MAP4: variants seen among roughly 807,000 people sequenced by gnomAD.
The protein encoded by MAP4 is microtubule-associated protein 4.
Under a neutral mutation model 170.2 loss-of-function variants are expected in MAP4, and 76 were observed. The observed-to-expected ratio is 0.45, with a 90% CI of 0.37 to 0.54. MAP4 has a LOEUF of 0.54. Ranked by LOEUF, MAP4 falls within the 20% of genes least tolerant of loss-of-function variation. The pLI is 0.00. For synonymous variants in MAP4, 909 were observed against 994.5 expected, an observed-to-expected ratio of 0.91 and a Z score of 1.62; for missense variants, 2,506 against 2,748.0, an observed-to-expected ratio of 0.91 and a Z score of 1.97.
At chr3:48,001,340 T>A (rs2154383517) in intron 1 of MAP4, among the ~76,000 whole-genome samples, 1 of 152,328 alleles carries the variant, frequency 6.6e-6, no homozygotes, top group Non-Finnish European at 1.5e-5. Context: ...TATTAAATAA[T>A]CAATTATATT....
chr3:47,883,896 C>CAT (rs2097175986), intron 10 of MAP4, among the ~76,000 whole-genome samples: 1 of 151,976 alleles, frequency 6.6e-6, no homozygotes, highest in African/African-American at 2.4e-5. Context: ...CCTAATGCAT[C>CAT]ATATCTCTTT....
At chr3:47,941,833 TCTC>T (rs2100056702) in intron 3 of MAP4, among the ~76,000 whole-genome samples, 1 of 151,400 alleles carries the variant, frequency 6.6e-6, no homozygotes, top group African/African-American at 2.4e-5. Context: ...TTCTTACTAA[TCTC>T]CTTCATTTTT....
Position 47,912,380 on chromosome 3 carries a change from G to A in MAP4, c.2041C>T (p.Gln681Ter). The change falls in exon 9 of 21, where the codon CAA becomes TAA. Residue 681 changes from glutamine (Q) to a stop codon, truncating the protein, a stop_gained. Coordinates refer to ENST00000683076, the MANE Select transcript of MAP4 (RefSeq NM_001385682.1). LOFTEE classifies it high-confidence loss of function. The stretch of plus-strand genomic sequence containing the variant: ...CTGCGGTCACTGGGTCTGCAAACTT[G>A]TTTGGCTTGTGTGGGAGGGGTACCG... The part of the protein sequence containing the change: ...YCGTPPTQAK[Q>*]VCRPSDRRST... 6.5e-7 allele frequency: 1 copy of A among 1,528,838 alleles called. No homozygotes were observed. The allele number at this position is 1,528,838 out of a possible 1,614,324, so 94.7% of individuals were successfully genotyped here.
intron 1 of MAP4, among the ~76,000 whole-genome samples, chr3:48,061,365 G>A (rs1267192187): frequency 1.3e-5 from 2 of 152,102 alleles, no homozygotes; most frequent in Non-Finnish European, 2.9e-5. Flanking sequence ...ACCGGTTTTC[G>A]TATTTTTTTG....
At chr3:47,898,892 G>C (rs2100028511) in intron 10 of MAP4, among the ~76,000 whole-genome samples, 1 of 151,966 alleles carries the variant, frequency 6.6e-6, no homozygotes, top group Non-Finnish European at 1.5e-5. Context: ...AGAGTCTGAG[G>C]CTGCAGTGAG....
At chr3:47,896,850 C>A (rs931901318) in intron 10 of MAP4, among the ~76,000 whole-genome samples, 6 of 152,084 alleles carry the variant, frequency 3.9e-5, no homozygotes, top group Non-Finnish European at 8.8e-5. Context: ...TCCCTGAATC[C>A]CTTTTAGGAC....
At chr3:48,067,159 T>C (rs1344145004) in intron 1 of MAP4, among the ~76,000 whole-genome samples, 2 of 151,710 alleles carry the variant, frequency 1.3e-5, no homozygotes, top group Admixed American at 1.3e-4. Flanking sequence ...TTAAATAATG[T>C]CTCAAATCAT....
chr3:48,070,842 A>G (rs1034145887), intron 1 of MAP4, among the ~76,000 whole-genome samples: 1 of 134,750 alleles, frequency 7.4e-6, no homozygotes, highest in Non-Finnish European at 1.6e-5. Context: ...TCTCTACAGG[A>G]AAAAAAAAAA....
intron 1 of MAP4, among the ~76,000 whole-genome samples, chr3:48,008,650 G>A (rs2100103694): frequency 6.6e-6 from 1 of 152,234 alleles, no homozygotes; most frequent in Non-Finnish European, 1.5e-5. Context: ...TGTATCCCAT[G>A]TGAGTGCTCA....
chr3:47,867,753 G>T (rs888994611), intron 16 of MAP4, among the ~76,000 whole-genome samples: 1 of 152,204 alleles, frequency 6.6e-6, no homozygotes, highest in Non-Finnish European at 1.5e-5. Context: ...ATGTGGACCT[G>T]TTCTCACCCA....
At chr3:48,049,706 G>A (rs1195054297) in intron 1 of MAP4, among the ~76,000 whole-genome samples, 1 of 152,250 alleles carries the variant, frequency 6.6e-6, no homozygotes, top group East Asian at 1.9e-4. Flanking sequence ...GCCAAGGCAG[G>A]CGGATCGCGA....
chr3:47,963,545 C>T (rs17079872), intron 3 of MAP4, among the ~76,000 whole-genome samples: 2 of 152,230 alleles, frequency 1.3e-5, no homozygotes, highest in East Asian at 1.9e-4. Flanking sequence ...CAGAAAGATG[C>T]GTACCAATAA....
chr3:47,951,289 C>A (rs1253800639), intron 3 of MAP4, among the ~76,000 whole-genome samples: 1 of 152,088 alleles, frequency 6.6e-6, no homozygotes, highest in East Asian at 1.9e-4. Flanking sequence ...TTTAAAGTAT[C>A]TCACTTTTTA....
intron 17 of MAP4, among the ~76,000 whole-genome samples, chr3:47,862,860 A>G (rs1431843438): frequency 2.0e-5 from 3 of 152,194 alleles, no homozygotes; most frequent in Non-Finnish European, 2.9e-5. Context: ...ATAAACCAAG[A>G]CTGCTCATGT....
At chr3:47,858,622 G>GCGT (rs765888304) in intron 17 of MAP4, among the ~76,000 whole-genome samples, 1 of 59,804 alleles carries the variant, frequency 1.7e-5, no homozygotes, top group African/African-American at 1.2e-4. Context: ...TGTGCGCGTT[G>GCGT]TGTGTGTGTG....
chr3:48,070,477 G>A (rs1004787683), intron 1 of MAP4, among the ~76,000 whole-genome samples: 3 of 149,364 alleles, frequency 2.0e-5, no homozygotes, highest in African/African-American at 7.4e-5. Context: ...TATCTGTTCT[G>A]AGTTTTTTTT....
chr3:48,005,815 T>C (rs2100102007), intron 1 of MAP4, among the ~76,000 whole-genome samples: 1 of 152,206 alleles, frequency 6.6e-6, no homozygotes, highest in Non-Finnish European at 1.5e-5. Context: ...GTAATTGCTC[T>C]TCTCTGCATG....
intron 9 of MAP4, among the ~76,000 whole-genome samples, chr3:47,903,427 G>A (rs2153395336): frequency 6.6e-6 from 1 of 152,206 alleles, no homozygotes; most frequent in East Asian, 1.9e-4. Flanking sequence ...CAGCTACTCG[G>A]GAGGCTGAGG....
intron 18 of MAP4, 38 bp downstream of exon 18, chr3:47,857,393 A>C: frequency 6.4e-7 from 1 of 1,563,870 alleles, no homozygotes; most frequent in East Asian, 2.2e-5. Context: ...AGGACGACAT[A>C]CCCTGGAGAC....
Sources: gnomAD v4.1 joint callset for allele counts (sites outside exome capture counted in the v4.1 genomes callset) on GRCh38, gnomAD v4.1.1 for gene constraint, MANE v1.5 for transcripts, NCBI Gene and HGNC (gene_info 2026-07-23, HGNC 2026-07-21) for gene names.